The following DLGAP2 variants were observed in gnomAD, a reference collection of about 807,000 sequenced individuals.
DLGAP2 encodes the protein disks large-associated protein 2.
In DLGAP2, 26 loss-of-function variants were observed where a neutral mutation model predicts 100.3. The ratio of observed to expected loss-of-function variants is 0.26; its 90% confidence interval spans 0.19 to 0.36. The LOEUF (loss-of-function observed/expected upper bound fraction) is 0.36. DLGAP2 is among the 10% of genes least tolerant of loss of function. DLGAP2 has a pLI of 1.00. For synonymous variants in DLGAP2, 886 were observed against 630.1 expected (o/e 1.41, Z -6.08); for missense variants, 1,858 against 1,453.2 (o/e 1.28, Z -4.53).
chr8:1,484,464 T>C (rs1799186938), intron 3 of DLGAP2, among the ~76,000 whole-genome samples: 1 of 152,270 alleles, frequency 6.6e-6, no homozygotes, highest in Non-Finnish European at 1.5e-5. Context: ...ACTGGACGGC[T>C]CTGCCCCAGA....
At chr8:1,601,807 A>G (rs536114776) in intron 6 of DLGAP2, among the ~76,000 whole-genome samples, 13 of 152,226 alleles carry the variant, frequency 8.5e-5, no homozygotes, top group African/African-American at 3.1e-4. Flanking sequence ...CTCTCCCTAA[A>G]TGGTTCCTCT....
intron 3 of DLGAP2, among the ~76,000 whole-genome samples, chr8:1,385,974 G>A (rs1321027570): frequency 6.6e-6 from 1 of 152,268 alleles, no homozygotes; most frequent in Admixed American, 6.5e-5. Flanking sequence ...TGGAATCAAT[G>A]AGATCTGAAG....
intron 3 of DLGAP2, among the ~76,000 whole-genome samples, chr8:1,407,941 C>T (rs914755636): frequency 6.6e-6 from 1 of 152,194 alleles, no homozygotes; most frequent in Non-Finnish European, 1.5e-5. Flanking sequence ...CTCAGGGCTT[C>T]CAGCATTTCC....
intron 6 of DLGAP2, among the ~76,000 whole-genome samples, chr8:1,588,450 G>T (rs1255653040): frequency 6.6e-6 from 1 of 152,178 alleles, no homozygotes; most frequent in African/African-American, 2.4e-5. Flanking sequence ...CAATAGTAAA[G>T]ACAATGTGTT....
At position 867,209 on chromosome 8, in the gene DLGAP2, A is replaced by G. The variant is rs564888661; in HGVS notation, c.19-40703A>G. 9.2e-4 allele frequency among the ~76,000 whole-genome samples: 140 copies of G among 152,258 alleles called. 1 individual carries two copies. Among genetic ancestry groups the G allele is most frequent in the Non-Finnish European group, 1.6e-3 (111 of 68,048 alleles). On this transcript the variant is annotated intron_variant, in intron 1 of 14. Coordinates refer to ENST00000637795, the MANE Select transcript of DLGAP2 (RefSeq NM_001346810.2). ...ATCGGGGATCTATTTGCTTTATGCA[A>G]GAAAAATGCTGAGTTTTCTTTGGGT...
At chr8:826,707 G>A (rs1005691139) in intron 1 of DLGAP2, among the ~76,000 whole-genome samples, 3 of 152,004 alleles carry the variant, frequency 2.0e-5, no homozygotes, top group South Asian at 2.1e-4. Context: ...TGCTTCACTC[G>A]GTCATGCTGA....
chr8:1,385,612 C>G, intron 3 of DLGAP2, among the ~76,000 whole-genome samples: 1 of 60,232 alleles, frequency 1.7e-5, no homozygotes, highest in African/African-American at 6.2e-5. Flanking sequence ...GAACTTGGTG[C>G]ACAGTTACCC....
intron 2 of DLGAP2, among the ~76,000 whole-genome samples, chr8:1,148,321 A>T (rs1265927801): frequency 1.7e-4 from 26 of 152,008 alleles, no homozygotes. Flanking sequence ...TTCAATTCTG[A>T]TGTTATTGCT....
At chr8:1,274,072 C>T (rs150814284) in intron 3 of DLGAP2, among the ~76,000 whole-genome samples, 2,632 of 152,130 alleles carry the variant, frequency 0.017, 32 homozygotes, top group Non-Finnish European at 0.022. Context: ...AACAGCGTGA[C>T]GGCTCTGTTC....
chr8:1,330,418 C>A (rs142749948), intron 3 of DLGAP2, among the ~76,000 whole-genome samples: 2 of 132,414 alleles, frequency 1.5e-5, no homozygotes, highest in African/African-American at 2.7e-5. Context: ...GTGGGAGCAC[C>A]GCTTCGCGGG....
intron 8 of DLGAP2, among the ~76,000 whole-genome samples, chr8:1,651,890 G>A (rs945549285): frequency 1.3e-5 from 2 of 152,180 alleles, no homozygotes; most frequent in Non-Finnish European, 2.9e-5. Flanking sequence ...CTGCACCTCT[G>A]GTCAGACATT....
At chr8:1,410,551 C>T (rs1024641632) in intron 3 of DLGAP2, among the ~76,000 whole-genome samples, 1 of 152,174 alleles carries the variant, frequency 6.6e-6, no homozygotes, top group Admixed American at 6.5e-5. Flanking sequence ...CCGCACAGGT[C>T]GAGTTAAAGC....
intron 3 of DLGAP2, among the ~76,000 whole-genome samples, chr8:1,310,050 C>T (rs987006348): frequency 7.8e-6 from 1 of 128,166 alleles, no homozygotes; most frequent in Non-Finnish European, 1.6e-5. Context: ...CAGGGCAAGT[C>T]TCCATCTCAA....
intron 3 of DLGAP2, among the ~76,000 whole-genome samples, chr8:1,494,497 A>T (rs1799488323): frequency 6.6e-6 from 1 of 152,188 alleles, no homozygotes; most frequent in Non-Finnish European, 1.5e-5. Context: ...TTGGGAGGCC[A>T]AGGTGGGTGG....
intron 2 of DLGAP2, among the ~76,000 whole-genome samples, chr8:1,098,826 C>G (rs531333962): frequency 2.0e-5 from 3 of 149,282 alleles, no homozygotes; most frequent in African/African-American, 7.6e-5. Context: ...GGCTCCCGGC[C>G]GCGCACGGAC....
intron 6 of DLGAP2, among the ~76,000 whole-genome samples, chr8:1,623,063 A>T (rs765307170): frequency 1.6e-4 from 25 of 152,234 alleles, no homozygotes; most frequent in Non-Finnish European, 3.2e-4. Context: ...ATGCTAAGCC[A>T]TTATAATATT....
At chr8:1,343,378 T>A (rs1016279197) in intron 3 of DLGAP2, among the ~76,000 whole-genome samples, 5 of 151,294 alleles carry the variant, frequency 3.3e-5, no homozygotes, top group Non-Finnish European at 5.9e-5. Flanking sequence ...CCAACCGGAG[T>A]TGCCCACGAG....
At chr8:1,413,876 G>A (rs1796802413) in intron 3 of DLGAP2, among the ~76,000 whole-genome samples, 1 of 152,180 alleles carries the variant, frequency 6.6e-6, no homozygotes, top group African/African-American at 2.4e-5. Context: ...CAATGTCAAT[G>A]GCATACTTAT....
intron 3 of DLGAP2, among the ~76,000 whole-genome samples, chr8:1,442,276 G>A (rs889495566): frequency 9.6e-6 from 1 of 104,498 alleles, no homozygotes; most frequent in South Asian, 3.1e-4. Flanking sequence ...AGCCACTGGA[G>A]AAGGAGATGG....
Sources: gnomAD v4.1 joint callset for allele counts (sites outside exome capture counted in the v4.1 genomes callset) on GRCh38, gnomAD v4.1.1 for gene constraint, MANE v1.5 for transcripts, NCBI Gene and HGNC (gene_info 2026-07-23, HGNC 2026-07-21) for gene names.